Variants in MICU1 observed in about 807,000 individuals in gnomAD.
MICU1 encodes calcium uptake protein 1, mitochondrial.
MICU1 carries 45 observed loss-of-function variants against 56.8 expected under a neutral mutation model. That is an observed-to-expected ratio of 0.79 (90% CI 0.62 to 1.02). The LOEUF (loss-of-function observed/expected upper bound fraction) is 1.02. MICU1 is among the 50% of genes least tolerant of loss of function. The pLI is 0.00. For missense variants in MICU1, 504 were observed against 587.1 expected, an observed-to-expected ratio of 0.86 and a Z score of 1.46; for synonymous variants, 186 against 195.1, an observed-to-expected ratio of 0.95 and a Z score of 0.39.
intron 1 of MICU1, among the ~76,000 whole-genome samples, chr10:72,597,696 C>T (rs906819073): frequency 5.3e-5 from 8 of 152,140 alleles, no homozygotes; most frequent in South Asian, 2.1e-4. Context: ...ATACCTTATA[C>T]ATATAGCCTG....
chr10:72,599,415 T>C (rs929357081), intron 1 of MICU1, among the ~76,000 whole-genome samples: 1 of 152,172 alleles, frequency 6.6e-6, no homozygotes, highest in Non-Finnish European at 1.5e-5. Context: ...AGTAGCAAGA[T>C]GAAACCCTGA....
At chr10:72,595,461 A>G (rs1053142303) in intron 1 of MICU1, among the ~76,000 whole-genome samples, 2 of 94,870 alleles carry the variant, frequency 2.1e-5, no homozygotes, top group Non-Finnish European at 5.2e-5. Flanking sequence ...AAAAAAAAAA[A>G]AAAGAAAAAA....
chr10:72,441,582 G>C, intron 8 of MICU1, among the ~76,000 whole-genome samples: 1 of 139,572 alleles, frequency 7.2e-6, no homozygotes, highest in Non-Finnish European at 1.6e-5. Context: ...AAAAAACCAA[G>C]TCAATATATT....
chr10:72,590,161 A>T (rs1195161200), intron 1 of MICU1, among the ~76,000 whole-genome samples: 8 of 152,170 alleles, frequency 5.3e-5, no homozygotes, highest in Admixed American at 5.2e-4. Context: ...TCTATAACAG[A>T]CTCACTTTAG....
intron 11 of MICU1, among the ~76,000 whole-genome samples, chr10:72,373,346 A>C (rs547436633): frequency 6.6e-6 from 1 of 151,776 alleles, no homozygotes; most frequent in Admixed American, 6.6e-5. Flanking sequence ...ACCTTGGCTA[A>C]ACTTATTTTT....
At chr10:72,500,289 TATATATATATA>T (rs1867010270) in intron 6 of MICU1, among the ~76,000 whole-genome samples, 1 of 9,762 alleles carries the variant, frequency 1.0e-4, no homozygotes, top group South Asian at 3.4e-3. Context: ...TATATATATA[TATATATATATA>T]TATTTTTTTT....
At chr10:72,439,609 T>C (rs1338838830) in intron 8 of MICU1, among the ~76,000 whole-genome samples, 3 of 152,202 alleles carry the variant, frequency 2.0e-5, no homozygotes, top group South Asian at 2.1e-4. Context: ...GGAAGTCAAA[T>C]TGTCCCTGTT....
At chr10:72,587,804 C>CAAAT (rs150099177) in intron 1 of MICU1, among the ~76,000 whole-genome samples, 6 of 151,668 alleles carry the variant, frequency 4.0e-5, no homozygotes, top group South Asian at 4.2e-4. Flanking sequence ...ATAAATAAAA[C>CAAAT]AAATAAATAA....
At chr10:72,455,136 G>A (rs1006546458) in intron 8 of MICU1, among the ~76,000 whole-genome samples, 5 of 152,020 alleles carry the variant, frequency 3.3e-5, no homozygotes, top group Non-Finnish European at 5.9e-5. Context: ...GATCACCTAA[G>A]GTCAGGAGTT....
chr10:72,438,870 T>C (rs561440303), intron 8 of MICU1, among the ~76,000 whole-genome samples: 1 of 152,310 alleles, frequency 6.6e-6, no homozygotes, highest in Non-Finnish European at 1.5e-5. Context: ...AATCTCTGAA[T>C]AGACCAATAA....
At chr10:72,532,951 T>A (rs941900332) in intron 5 of MICU1, 3 of 1,225,096 alleles carry the variant, frequency 2.4e-6, no homozygotes, top group African/African-American at 3.2e-5. Flanking sequence ...CAGTTTTTAC[T>A]AACCCTGACC....
chr10:72,518,985 T>C (rs534178411), intron 5 of MICU1, among the ~76,000 whole-genome samples: 9 of 152,334 alleles, frequency 5.9e-5, no homozygotes, highest in East Asian at 1.9e-4. Context: ...CCAGCCAGAA[T>C]TGGATATTCT....
intron 5 of MICU1, among the ~76,000 whole-genome samples, chr10:72,523,398 T>C (rs1365337989): frequency 6.6e-6 from 1 of 152,214 alleles, no homozygotes; most frequent in East Asian, 1.9e-4. Context: ...TATTCTGACA[T>C]AATTTTTAAT....
chr10:72,394,569 T>C (rs1863184090), intron 10 of MICU1, among the ~76,000 whole-genome samples: 1 of 151,312 alleles, frequency 6.6e-6, no homozygotes, highest in African/African-American at 2.4e-5. Context: ...GAGGTTTCAG[T>C]GAGCTGAGAT....
At chr10:72,616,361 G>A (rs1841979194) in intron 1 of MICU1, among the ~76,000 whole-genome samples, 1 of 151,980 alleles carries the variant, frequency 6.6e-6, no homozygotes, top group Non-Finnish European at 1.5e-5. Context: ...TTTAGTTCAA[G>A]GCTAATTTAC....
chr10:72,531,992 C>G (rs1447936219), intron 5 of MICU1, among the ~76,000 whole-genome samples: 12 of 150,904 alleles, frequency 8.0e-5, no homozygotes, highest in Admixed American at 7.9e-4. Flanking sequence ...CCTCTGCCTC[C>G]TGGGTTCAAG....
chr10:72,513,294 C>A (rs1867541632), intron 5 of MICU1, among the ~76,000 whole-genome samples: 1 of 152,134 alleles, frequency 6.6e-6, no homozygotes, highest in African/African-American at 2.4e-5. Context: ...GATTTACATT[C>A]CCCTAATACC....
chr10:72,571,880 C>A (rs539254258), intron 1 of MICU1, among the ~76,000 whole-genome samples: 1 of 151,694 alleles, frequency 6.6e-6, no homozygotes, highest in South Asian at 2.1e-4. Flanking sequence ...ATGGTAAAAC[C>A]CCACCTCTAA....
intron 6 of MICU1, chr10:72,477,505 A>C (rs1589259676): frequency 6.5e-7 from 1 of 1,535,708 alleles, no homozygotes; most frequent in African/African-American, 1.4e-5. Context: ...TTTTGTTTCA[A>C]CATGCTTTGC....
Sources: allele counts gnomAD v4.1 joint callset (sites outside exome capture counted in the v4.1 genomes callset), GRCh38; gene constraint gnomAD v4.1.1; transcripts MANE v1.5; gene names NCBI Gene and HGNC (gene_info 2026-07-23, HGNC 2026-07-21).